Variants in BRI3 observed in about 807,000 individuals in gnomAD.
BRI3 encodes membrane protein BRI3.
A neutral mutation model predicts 12.8 loss-of-function variants in BRI3; 6 were observed. The ratio of observed to expected loss-of-function variants is 0.47; its 90% CI spans 0.26 to 0.93. The LOEUF (loss-of-function observed/expected upper bound fraction) is 0.93, where lower values mean the gene tolerates loss of function less well. BRI3 is among the 40% of genes least tolerant of loss of function. The probability of loss-of-function intolerance (pLI) is 0.15; values close to 1 mark genes in which losing one functional copy is unlikely to be tolerated. For synonymous variants in BRI3, 91 were observed against 76.1 expected, an observed-to-expected ratio of 1.20 and a Z score of -1.02; for missense variants, 134 against 171.1, an observed-to-expected ratio of 0.78 and a Z score of 1.21.
chr7:98,310,330 A>AC, exon 2 of BRI3: 2 of 1,187,200 alleles, frequency 1.7e-6, no homozygotes, highest in Non-Finnish European at 2.3e-6. Context: ...TATCTACCAT[A>AC]CCTGCTTGTT....
chr7:98,314,136 C>T (rs1800986985), downstream of BRI3, among the ~76,000 whole-genome samples: 1 of 151,778 alleles, frequency 6.6e-6, no homozygotes, highest in South Asian at 2.1e-4. Flanking sequence ...CAGGTGCTCA[C>T]CACATGTGAT....
downstream of BRI3, chr7:98,293,953 C>G: frequency 8.4e-7 from 1 of 1,184,612 alleles, no homozygotes; most frequent in Non-Finnish European, 1.2e-6. Context: ...CCCCATGGCT[C>G]CACAGGCCGA....
the BRI3 span, among the ~76,000 whole-genome samples, chr7:98,320,553 C>G: frequency 1.7e-4 from 26 of 152,214 alleles, 1 homozygote; most frequent in Non-Finnish European, 3.2e-4. Context: ...CCAGGCTGGT[C>G]TTGAACTCCT....
In BRI3 at chr7:98,281,901, G is replaced by C; in HGVS notation, c.106G>C (p.Ala36Pro). The change falls in exon 1 of 3, where the codon GCG (alanine) becomes CCG (proline). Residue 36 changes from alanine (A) to proline (P), a missense_variant. Physicochemically the swap from Ala to Pro is conservative, Grantham distance 27. Transcript: ENST00000297290. ...GPHGYGAIPA[A>P]PPPPPYPYLV... Reference sequence around the variant, plus strand: ...GCACGGCTACGGCGCCATCCCCGCCGCGCCCCCGCCGCCGCCCTACCCCTA... The same window carrying C: ...GCACGGCTACGGCGCCATCCCCGCCCCGCCCCCGCCGCCGCCCTACCCCTA... 7.7e-7 allele frequency: 1 copy of C among 1,293,136 alleles called. No individual in the cohort carries two copies. The highest frequency in any genetic ancestry group is 4.1e-5 in the Admixed American group (1 of 24,656). 80.1% of individuals were successfully genotyped at this position (1,293,136 alleles called of 1,614,324 possible).
At chr7:98,295,895 C>T (rs1020688197), downstream of BRI3, among the ~76,000 whole-genome samples, 3 of 152,176 alleles carry the variant, frequency 2.0e-5, no homozygotes, top group Admixed American at 6.5e-5. Flanking sequence ...GGAAAAAGAA[C>T]GCTTAAGATG....
chr7:98,306,314 C>T, upstream of BRI3: 1 of 1,169,146 alleles, frequency 8.6e-7, no homozygotes. Context: ...GGTCTCATCT[C>T]TGACTAGTCC....
chr7:98,296,512 C>T (rs1361435710), downstream of BRI3, among the ~76,000 whole-genome samples: 1 of 152,180 alleles, frequency 6.6e-6, no homozygotes, highest in Non-Finnish European at 1.5e-5. Flanking sequence ...GTAATCCCAG[C>T]TACTCAGGAG....
At chr7:98,316,867 CT>C in the BRI3 span, among the ~76,000 whole-genome samples, 3,824 of 145,160 alleles carry the variant, frequency 0.026, 131 homozygotes, top group African/African-American at 0.086. Flanking sequence ...AACTTCAAAA[CT>C]TTTTTTTTTT....
upstream of BRI3, among the ~76,000 whole-genome samples, chr7:98,305,449 T>C (rs113194022): frequency 6.6e-6 from 1 of 152,150 alleles, no homozygotes; most frequent in Non-Finnish European, 1.5e-5. Flanking sequence ...CATCAGACCC[T>C]GGGGAATGCA....
chr7:98,296,883 C>T (rs948734926), downstream of BRI3, among the ~76,000 whole-genome samples: 3 of 152,304 alleles, frequency 2.0e-5, no homozygotes, highest in Admixed American at 6.5e-5. Context: ...ATCCTCCCTG[C>T]GTCCCTGTCT....
At chr7:98,290,235 C>A in intron 2 of BRI3, among the ~76,000 whole-genome samples, 1 of 142,002 alleles carries the variant, frequency 7.0e-6, no homozygotes, top group East Asian at 2.1e-4. Context: ...GTCGCCCAGG[C>A]CGGACTGTGG....
At chr7:98,292,451 G>A (rs1800006860), downstream of BRI3, 1 of 603,824 alleles carries the variant, frequency 1.7e-6, no homozygotes, top group Admixed American at 3.0e-5. Flanking sequence ...TGGGATTCCC[G>A]TACCTGGGCC....
exon 2 of BRI3, chr7:98,308,271 G>T (rs1471973059): frequency 6.4e-6 from 3 of 471,326 alleles, no homozygotes; most frequent in Non-Finnish European, 1.3e-5. Flanking sequence ...AATCGCAAAG[G>T]CAGGCTAGGG....
At chr7:98,308,219 G>A (rs1391357112) in exon 2 of BRI3, 1 of 526,008 alleles carries the variant, frequency 1.9e-6, no homozygotes, top group South Asian at 1.5e-5. Flanking sequence ...GCTCTTCTTA[G>A]AGAGACAAAC....
At chr7:98,310,538 G>C (rs1015977159), downstream of BRI3, 2 of 1,597,366 alleles carry the variant, frequency 1.3e-6, no homozygotes, top group Non-Finnish European at 1.7e-6. Context: ...CTGCCTGAAG[G>C]AGCGGGGGGC....
At chr7:98,304,113 A>C, upstream of BRI3, 1 of 1,397,790 alleles carries the variant, frequency 7.2e-7, no homozygotes. Context: ...AGAGCAGAGC[A>C]AGGCGGTCAC....
At chr7:98,316,867 C>CTT in the BRI3 span, among the ~76,000 whole-genome samples, 7 of 145,564 alleles carry the variant, frequency 4.8e-5, no homozygotes, top group Middle Eastern at 7.0e-3. Flanking sequence ...AACTTCAAAA[C>CTT]TTTTTTTTTT....
intron 2 of BRI3, among the ~76,000 whole-genome samples, chr7:98,287,859 G>A (rs1799762146): frequency 6.6e-6 from 1 of 152,202 alleles, no homozygotes; most frequent in Non-Finnish European, 1.5e-5. Context: ...CCATGGGCGG[G>A]CTCCAGCCGG....
At chr7:98,288,041 A>G (rs1446676459) in intron 2 of BRI3, among the ~76,000 whole-genome samples, 7 of 151,998 alleles carry the variant, frequency 4.6e-5, no homozygotes, top group Non-Finnish European at 1.0e-4. Context: ...ACTGGGGACC[A>G]CTCTGGGGGG....
Sources: allele counts gnomAD v4.1 joint callset (sites outside exome capture counted in the v4.1 genomes callset), GRCh38; gene constraint gnomAD v4.1.1; transcripts MANE v1.5; gene names NCBI Gene and HGNC (gene_info 2026-07-23, HGNC 2026-07-21).